The following SNTG1 variants were observed in gnomAD, a reference collection of about 807,000 sequenced individuals.
SNTG1 encodes gamma-1-syntrophin.
In SNTG1, 39 loss-of-function variants were observed where a neutral mutation model predicts 74.7. The observed-to-expected ratio is 0.52, with a 90% CI of 0.40 to 0.68. The LOEUF is 0.68. SNTG1 is among the 30% of genes least tolerant of loss of function. The pLI is 0.00. For missense variants in SNTG1, 685 were observed against 609.5 expected (o/e 1.12, Z -1.30); for synonymous variants, 254 against 217.1 (o/e 1.17, Z -1.49).
chr8:50,785,366 A>G (rs1264422742), intron 18 of SNTG1, among the ~76,000 whole-genome samples: 6 of 152,108 alleles, frequency 3.9e-5, no homozygotes, highest in East Asian at 1.9e-4. Flanking sequence ...TATATTTTAG[A>G]GATTAAAAAG....
At chr8:50,780,536 G>T (rs562379720) in intron 18 of SNTG1, among the ~76,000 whole-genome samples, 2 of 152,112 alleles carry the variant, frequency 1.3e-5, no homozygotes, top group African/African-American at 4.8e-5. Context: ...ATTTCTGTGG[G>T]ATTGGTGGTG....
chr8:50,556,489 A>G, intron 12 of SNTG1, among the ~76,000 whole-genome samples: 1 of 152,278 alleles, frequency 6.6e-6, no homozygotes, highest in East Asian at 1.9e-4. Flanking sequence ...AAAAAACAGT[A>G]ATTGCTTCCA....
intron 9 of SNTG1, among the ~76,000 whole-genome samples, chr8:50,512,667 G>C (rs1379978142): frequency 1.3e-5 from 2 of 151,796 alleles, no homozygotes; most frequent in Non-Finnish European, 2.9e-5. Context: ...TCATTCATTT[G>C]ATCTTCCATC....
At chr8:50,422,241 G>GATCTATCT (rs35621527) in intron 4 of SNTG1, among the ~76,000 whole-genome samples, 1 of 23,242 alleles carries the variant, frequency 4.3e-5, no homozygotes, top group African/African-American at 1.4e-4. Flanking sequence ...CTTCAACAGC[G>GATCTATCT]ATCTATCTAT....
At chr8:50,091,940 T>C (rs1482768544) in intron 1 of SNTG1, among the ~76,000 whole-genome samples, 13 of 152,118 alleles carry the variant, frequency 8.5e-5, no homozygotes, top group Non-Finnish European at 1.5e-5. Context: ...GAGATAGCAA[T>C]GACAAAATAT....
chr8:50,682,003 T>C (rs1407974727), intron 15 of SNTG1, among the ~76,000 whole-genome samples: 1 of 152,170 alleles, frequency 6.6e-6, no homozygotes, highest in African/African-American at 2.4e-5. Flanking sequence ...ATCTGACACA[T>C]CAGCAAAACA....
chr8:50,573,709 C>G (rs1254993175), intron 12 of SNTG1, among the ~76,000 whole-genome samples: 1 of 151,722 alleles, frequency 6.6e-6, no homozygotes, highest in Non-Finnish European at 1.5e-5. Flanking sequence ...CATTCCATAA[C>G]TTTATATTTG....
intron 5 of SNTG1, among the ~76,000 whole-genome samples, chr8:50,441,383 A>G (rs2093356264): frequency 6.6e-6 from 1 of 152,134 alleles, no homozygotes; most frequent in Non-Finnish European, 1.5e-5. Flanking sequence ...TTCTGGGACA[A>G]AACGTGCAGG....
chr8:49,964,106 A>G (rs1294532101), intron 1 of SNTG1, among the ~76,000 whole-genome samples: 4 of 152,322 alleles, frequency 2.6e-5, no homozygotes, highest in Admixed American at 6.5e-5. Flanking sequence ...CAGTACCTAG[A>G]TATTTGGTTA....
intron 2 of SNTG1, among the ~76,000 whole-genome samples, chr8:50,228,064 T>C (rs1328980518): frequency 6.6e-6 from 1 of 151,730 alleles, no homozygotes; most frequent in Non-Finnish European, 1.5e-5. Flanking sequence ...ATGTTTAATA[T>C]GGAACATAAC....
chr8:50,454,302 C>T (rs959742161), intron 8 of SNTG1, among the ~76,000 whole-genome samples: 3 of 151,290 alleles, frequency 2.0e-5, no homozygotes, highest in Non-Finnish European at 1.5e-5. Context: ...CAAGACCAGC[C>T]TGACCAACAT....
At chr8:50,078,787 C>T (rs1354146813) in intron 1 of SNTG1, among the ~76,000 whole-genome samples, 1 of 152,120 alleles carries the variant, frequency 6.6e-6, no homozygotes, top group Non-Finnish European at 1.5e-5. Flanking sequence ...TGCTCAACTC[C>T]CACTTGGGAG....
intron 8 of SNTG1, among the ~76,000 whole-genome samples, chr8:50,475,298 T>C (rs1255999038): frequency 6.6e-6 from 1 of 152,036 alleles, no homozygotes; most frequent in African/African-American, 2.4e-5. Flanking sequence ...AGATGGAACA[T>C]TTTATATGTA....
At chr8:50,600,992 AC>A (rs1489031881) in intron 13 of SNTG1, among the ~76,000 whole-genome samples, 1 of 150,974 alleles carries the variant, frequency 6.6e-6, no homozygotes, top group African/African-American at 2.4e-5. Context: ...ACATGGTGAA[AC>A]CCCATCTCTA....
chr8:50,541,977 T>C (rs2094350456), intron 11 of SNTG1, among the ~76,000 whole-genome samples: 1 of 151,372 alleles, frequency 6.6e-6, no homozygotes, highest in South Asian at 2.1e-4. Flanking sequence ...ATTCCATCCA[T>C]GTTGCTGCAA....
intron 2 of SNTG1, among the ~76,000 whole-genome samples, chr8:50,309,697 G>A (rs566369327): frequency 2.0e-5 from 3 of 152,280 alleles, no homozygotes; most frequent in African/African-American, 7.2e-5. Context: ...CTATTTTAAA[G>A]AAGAGTGACA....
At position 50,782,244 on chromosome 8, in the gene SNTG1, G is replaced by A. The variant is rs192244931; in HGVS notation, c.1396-10427G>A. ...TTCTCTGTATTTCCTGAATCTCAATGTTGGCCTGCCTTGCTAGATTGGGGA... is the reference window on the plus strand; with the variant it reads ...TTCTCTGTATTTCCTGAATCTCAATATTGGCCTGCCTTGCTAGATTGGGGA... On this transcript the variant is annotated intron_variant, in intron 18 of 18. Transcript: ENST00000642720. 3.7e-3 allele frequency among the ~76,000 whole-genome samples: 563 copies of A among 152,212 alleles called. 4 individuals carry two copies. Among genetic ancestry groups the A allele is most frequent in the African/African-American group, 0.013 (521 of 41,504 alleles).
chr8:50,432,649 G>A (rs776657316), intron 4 of SNTG1, among the ~76,000 whole-genome samples: 8 of 151,404 alleles, frequency 5.3e-5, no homozygotes, highest in East Asian at 1.9e-4. Flanking sequence ...TCATGAATAC[G>A]GTTATCTCTT....
chr8:50,365,291 A>G (rs1171312155), intron 2 of SNTG1, among the ~76,000 whole-genome samples: 2 of 152,156 alleles, frequency 1.3e-5, no homozygotes, highest in Non-Finnish European at 2.9e-5. Context: ...ACAAAGAGAC[A>G]TGGTGAGATA....
Sources: gnomAD v4.1 joint callset for allele counts (sites outside exome capture counted in the v4.1 genomes callset) on GRCh38, gnomAD v4.1.1 for gene constraint, MANE v1.5 for transcripts, NCBI Gene and HGNC (gene_info 2026-07-23, HGNC 2026-07-21) for gene names.